RABGAP1L: variants seen among roughly 807,000 people sequenced by gnomAD.
The protein encoded by RABGAP1L is rab GTPase-activating protein 1-like.
Under a neutral mutation model 137.7 loss-of-function variants are expected in RABGAP1L, and 63 were observed. The observed-to-expected ratio is 0.46, with a 90% CI of 0.37 to 0.56. The LOEUF is 0.56. Ranked by LOEUF, RABGAP1L falls within the 20% of genes least tolerant of loss-of-function variation. The probability of loss-of-function intolerance (pLI) is 0.00; values close to 1 mark genes in which losing one functional copy is unlikely to be tolerated. For missense variants in RABGAP1L, 1,095 were observed against 1,244.0 expected, an observed-to-expected ratio of 0.88 and a Z score of 1.80; for synonymous variants, 431 against 433.7, an observed-to-expected ratio of 0.99 and a Z score of 0.08.
At chr1:174,607,675 T>C (rs1557892375) in intron 13 of RABGAP1L, among the ~76,000 whole-genome samples, 1 of 152,220 alleles carries the variant, frequency 6.6e-6, no homozygotes, top group Admixed American at 6.5e-5. Context: ...CATTAGGAGA[T>C]TGAATACAAT....
chr1:174,446,661 A>G (rs1571852504), intron 13 of RABGAP1L, among the ~76,000 whole-genome samples: 1 of 152,338 alleles, frequency 6.6e-6, no homozygotes, highest in East Asian at 1.9e-4. Flanking sequence ...AAATAAGACT[A>G]TCTTGCAACC....
rs192486939 is a variant in RABGAP1L at position 174,934,187 on chromosome 1, C to T, written c.2341-23270C>T. Among the ~76,000 whole-genome samples the T allele has an allele frequency of 3.9e-5, 6 of 152,190 alleles. No individual in the cohort carries two copies. The East Asian group carries it at 1.2e-3, about 30-fold the overall frequency. On this transcript the variant is annotated intron_variant, in intron 19 of 25. Transcript: ENST00000681986. ...CACTGCAACCTCCACCTCCTGGGTT[C>T]AAGCAATTCTCCTGCCTCAGCCTCC...
chr1:174,200,293 A>G (rs569528875), intron 1 of RABGAP1L, among the ~76,000 whole-genome samples: 1 of 152,368 alleles, frequency 6.6e-6, no homozygotes, highest in South Asian at 2.1e-4. Context: ...TGAAACACAT[A>G]TATCTTACTC....
intron 11 of RABGAP1L, among the ~76,000 whole-genome samples, chr1:174,360,746 T>C (rs1684066723): frequency 6.6e-6 from 1 of 152,226 alleles, no homozygotes; most frequent in South Asian, 2.1e-4. Flanking sequence ...AGGAACTCTT[T>C]TCTCCCCATA....
At chr1:174,751,126 T>C (rs1202736023) in intron 17 of RABGAP1L, among the ~76,000 whole-genome samples, 1 of 152,204 alleles carries the variant, frequency 6.6e-6, no homozygotes, top group Non-Finnish European at 1.5e-5. Flanking sequence ...GCTTTTGGTT[T>C]CTTAAATAAT....
chr1:174,646,758 G>C (rs1675000514), intron 14 of RABGAP1L, among the ~76,000 whole-genome samples: 1 of 152,120 alleles, frequency 6.6e-6, no homozygotes, highest in South Asian at 2.1e-4. Context: ...AGTGTCAGTG[G>C]TAGCTTGATG....
intron 11 of RABGAP1L, among the ~76,000 whole-genome samples, chr1:174,369,735 A>G (rs1276166853): frequency 6.6e-6 from 1 of 152,210 alleles, no homozygotes; most frequent in Non-Finnish European, 1.5e-5. Context: ...CAAGCTTCAT[A>G]CAGTTGCTTA....
intron 13 of RABGAP1L, among the ~76,000 whole-genome samples, chr1:174,612,842 G>A (rs1226305804): frequency 5.3e-5 from 8 of 152,114 alleles, no homozygotes; most frequent in East Asian, 1.9e-4. Context: ...GTTTATTTGC[G>A]TAGAGGTATT....
At chr1:174,812,702 T>G (rs969442787) in intron 19 of RABGAP1L, among the ~76,000 whole-genome samples, 20 of 152,194 alleles carry the variant, frequency 1.3e-4, no homozygotes, top group African/African-American at 4.8e-4. Context: ...ACATTATTTA[T>G]TTAACATGTT....
At chr1:174,246,286 T>TAA (rs978768174) in intron 5 of RABGAP1L, 3 of 152,212 alleles carry the variant, frequency 2.0e-5, no homozygotes, top group Admixed American at 6.5e-5. Flanking sequence ...TTTCTATAGA[T>TAA]ACTGTTTTCT....
At chr1:174,301,261 G>A (rs1420140616) in intron 10 of RABGAP1L, among the ~76,000 whole-genome samples, 2 of 151,758 alleles carry the variant, frequency 1.3e-5, no homozygotes, top group Non-Finnish European at 2.9e-5. Context: ...CCAGATAGAG[G>A]ACACAGCACC....
At chr1:174,479,576 G>C (rs974541122) in intron 13 of RABGAP1L, among the ~76,000 whole-genome samples, 1 of 152,194 alleles carries the variant, frequency 6.6e-6, no homozygotes, top group Non-Finnish European at 1.5e-5. Flanking sequence ...AGCCAAGCAA[G>C]GATACAGTGA....
At chr1:174,844,578 A>G (rs1310863383) in intron 19 of RABGAP1L, among the ~76,000 whole-genome samples, 3 of 118,556 alleles carry the variant, frequency 2.5e-5, no homozygotes, top group Admixed American at 9.3e-5. Context: ...TGTTCCATTG[A>G]TCTATATCTC....
chr1:174,273,964 G>T (rs746572217), intron 8 of RABGAP1L, among the ~76,000 whole-genome samples: 1 of 152,140 alleles, frequency 6.6e-6, no homozygotes, highest in Admixed American at 6.6e-5. Flanking sequence ...GCAATGATTA[G>T]CAGTTGTGAT....
At chr1:174,169,702 G>A (rs1013279717) in intron 1 of RABGAP1L, among the ~76,000 whole-genome samples, 1 of 150,202 alleles carries the variant, frequency 6.7e-6, no homozygotes, top group South Asian at 2.1e-4. Flanking sequence ...TTTTTTTCAT[G>A]TTTTGGAGAC....
chr1:174,186,285 C>T (rs2148316854), intron 1 of RABGAP1L, among the ~76,000 whole-genome samples: 1 of 152,072 alleles, frequency 6.6e-6, no homozygotes, highest in East Asian at 1.9e-4. Context: ...GAATATTGGA[C>T]ATAGAAACTC....
chr1:174,618,502 A>C (rs1401369871), intron 13 of RABGAP1L, among the ~76,000 whole-genome samples: 1 of 152,232 alleles, frequency 6.6e-6, no homozygotes, highest in East Asian at 1.9e-4. Flanking sequence ...GCTGTTCTGC[A>C]GCCACCACTG....
At chr1:174,643,015 A>T (rs1468692973) in intron 14 of RABGAP1L, among the ~76,000 whole-genome samples, 2 of 151,916 alleles carry the variant, frequency 1.3e-5, no homozygotes, top group Non-Finnish European at 2.9e-5. Context: ...GAATCCCTGA[A>T]TTCGGACAAT....
chr1:174,480,573 C>T lies in RABGAP1L; in HGVS notation c.1710+86428C>T, dbSNP rs115672953. Reference sequence around the variant, plus strand: ...GCCTTTAAGAGCAAGCTTCTTTATGCTATCCCTGGATGGTTTTGTTCCAAC... The same window carrying T: ...GCCTTTAAGAGCAAGCTTCTTTATGTTATCCCTGGATGGTTTTGTTCCAAC... On this transcript the variant is annotated intron_variant, in intron 13 of 25. Coordinates refer to ENST00000681986, the MANE Select transcript of RABGAP1L (RefSeq NM_001366446.1). 1.3e-3 allele frequency among the ~76,000 whole-genome samples: 197 copies of T among 152,334 alleles called. 1 individual carries two copies. The highest frequency in any genetic ancestry group is 4.4e-3 in the African/African-American group (183 of 41,582).
Sources: allele counts gnomAD v4.1 joint callset (sites outside exome capture counted in the v4.1 genomes callset), GRCh38; gene constraint gnomAD v4.1.1; transcripts MANE v1.5; gene names NCBI Gene and HGNC (gene_info 2026-07-23, HGNC 2026-07-21).